CNTN3: variants seen among roughly 807,000 people sequenced by gnomAD.
CNTN3 encodes contactin-3.
CNTN3 carries 60 observed loss-of-function variants against 119.1 expected under a neutral mutation model. That is an observed-to-expected ratio of 0.50 (90% CI 0.41 to 0.62). The LOEUF (loss-of-function observed/expected upper bound fraction) is 0.62, where lower values mean the gene tolerates loss of function less well. Ranked by LOEUF, CNTN3 falls within the 20% of genes least tolerant of loss-of-function variation. The probability of loss-of-function intolerance (pLI) is 0.00; values close to 1 mark genes in which losing one functional copy is unlikely to be tolerated. For synonymous variants in CNTN3, 450 were observed against 438.7 expected, an observed-to-expected ratio of 1.03 and a Z score of -0.32; for missense variants, 1,101 against 1,242.4, an observed-to-expected ratio of 0.89 and a Z score of 1.71.
At chr3:74,384,483 A>G (rs1312159556) in intron 5 of CNTN3, among the ~76,000 whole-genome samples, 1 of 152,248 alleles carries the variant, frequency 6.6e-6, no homozygotes, top group Non-Finnish European at 1.5e-5. Context: ...AGGAATTCTA[A>G]TCTGTTTGAT....
chr3:74,602,779 T>G (rs1276722823), intron 1 of CNTN3, among the ~76,000 whole-genome samples: 1 of 152,150 alleles, frequency 6.6e-6, no homozygotes, highest in African/African-American at 2.4e-5. Context: ...GCCCTGTGAC[T>G]TCTGGCCAAT....
At chr3:74,286,037 T>A (rs1702110365) in intron 19 of CNTN3, among the ~76,000 whole-genome samples, 1 of 151,850 alleles carries the variant, frequency 6.6e-6, no homozygotes, top group African/African-American at 2.4e-5. Context: ...ATAGTCAAAG[T>A]ACTACAACTG....
At chr3:74,393,694 G>A (rs1213645403) in intron 5 of CNTN3, among the ~76,000 whole-genome samples, 1 of 152,204 alleles carries the variant, frequency 6.6e-6, no homozygotes, top group Non-Finnish European at 1.5e-5. Context: ...AGAGGGAAAT[G>A]GGAAAAGTAG....
intron 13 of CNTN3, among the ~76,000 whole-genome samples, chr3:74,329,686 A>T (rs949147761): frequency 1.9e-4 from 29 of 152,308 alleles, no homozygotes; most frequent in Admixed American, 1.0e-3. Flanking sequence ...TGAACTTTGG[A>T]ATATTACCTC....
intron 13 of CNTN3, among the ~76,000 whole-genome samples, chr3:74,312,501 A>G (rs1575716943): frequency 6.7e-6 from 1 of 149,392 alleles, no homozygotes; most frequent in African/African-American, 2.5e-5. Flanking sequence ...CTCAGCAGCT[A>G]CAGCCTAATC....
At chr3:74,449,670 C>T (rs7631341) in intron 4 of CNTN3, among the ~76,000 whole-genome samples, 29,249 of 152,070 alleles carry the variant, frequency 0.19, 3,018 homozygotes, top group Admixed American at 0.26. Context: ...AGAAAACCTT[C>T]TGATGCACCT....
At chr3:74,420,489 G>A (rs1701599691) in intron 5 of CNTN3, among the ~76,000 whole-genome samples, 1 of 152,144 alleles carries the variant, frequency 6.6e-6, no homozygotes, top group Non-Finnish European at 1.5e-5. Flanking sequence ...TGCACTAAAA[G>A]GAGATTTTAA....
At chr3:74,605,064 G>C (rs925680494) in intron 1 of CNTN3, among the ~76,000 whole-genome samples, 1 of 152,110 alleles carries the variant, frequency 6.6e-6, no homozygotes, top group Non-Finnish European at 1.5e-5. Context: ...AATACCACTT[G>C]ATCTCACTTA....
chr3:74,377,789 C>T (rs114458821), intron 5 of CNTN3, among the ~76,000 whole-genome samples: 24 of 152,278 alleles, frequency 1.6e-4, no homozygotes, highest in African/African-American at 5.5e-4. Context: ...TGGCATTCTG[C>T]CTCTAGCTAT....
chr3:74,325,205 G>T (rs759776360), intron 13 of CNTN3, among the ~76,000 whole-genome samples: 1 of 152,034 alleles, frequency 6.6e-6, no homozygotes, highest in African/African-American at 2.4e-5. Context: ...CTCTATGCTA[G>T]ATTTTCTTTT....
chr3:74,578,648 G>C (rs528898816), intron 1 of CNTN3, among the ~76,000 whole-genome samples: 1 of 152,076 alleles, frequency 6.6e-6, no homozygotes, highest in Non-Finnish European at 1.5e-5. Flanking sequence ...ATAACTTTCT[G>C]CATTTCCATG....
At chr3:74,347,738 T>A (rs764844692) in intron 11 of CNTN3, among the ~76,000 whole-genome samples, 1 of 152,210 alleles carries the variant, frequency 6.6e-6, no homozygotes. Flanking sequence ...GTGTTCCAGA[T>A]TGCATTTCCA....
intron 1 of CNTN3, among the ~76,000 whole-genome samples, chr3:74,597,806 T>C (rs1704837456): frequency 6.6e-6 from 1 of 152,018 alleles, no homozygotes; most frequent in South Asian, 2.1e-4. Flanking sequence ...CTAGCAATAC[T>C]AAAAATAAAT....
At chr3:74,360,137 C>T (rs894158069) in intron 11 of CNTN3, among the ~76,000 whole-genome samples, 5 of 152,172 alleles carry the variant, frequency 3.3e-5, no homozygotes, top group African/African-American at 1.2e-4. Context: ...GCTGTTGTAA[C>T]CAACTTGTCT....
At chr3:74,450,262 C>T (rs1051146551) in intron 4 of CNTN3, among the ~76,000 whole-genome samples, 1 of 151,838 alleles carries the variant, frequency 6.6e-6, no homozygotes, top group African/African-American at 2.4e-5. Flanking sequence ...TTTAATCTTG[C>T]AGTTATAAAA....
intron 17 of CNTN3, 110 bp downstream of exon 17, chr3:74,299,758 C>T (rs1212943814): frequency 6.3e-6 from 5 of 788,560 alleles, no homozygotes; most frequent in Non-Finnish European, 1.0e-5. Context: ...ACCAGCCACA[C>T]CCCCAGCACT....
chr3:74,515,594 G>A (rs937575873), intron 2 of CNTN3, among the ~76,000 whole-genome samples: 6 of 152,034 alleles, frequency 3.9e-5, no homozygotes, highest in Non-Finnish European at 8.8e-5. Flanking sequence ...AAAGAGCAGT[G>A]TACAGTCTTC....
intron 4 of CNTN3, among the ~76,000 whole-genome samples, chr3:74,470,650 C>T (rs867453379): frequency 7.9e-5 from 12 of 152,024 alleles, no homozygotes; most frequent in African/African-American, 2.2e-4. Context: ...CACTCTATAA[C>T]GAAACTAGGT....
At chr3:74,314,610 A>G (rs1398478525) in intron 13 of CNTN3, among the ~76,000 whole-genome samples, 1 of 152,202 alleles carries the variant, frequency 6.6e-6, no homozygotes. Flanking sequence ...ACAATTCTTT[A>G]CGTGTATTTA....
Sources: allele counts gnomAD v4.1 joint callset (sites outside exome capture counted in the v4.1 genomes callset), GRCh38; gene constraint gnomAD v4.1.1; transcripts MANE v1.5; gene names NCBI Gene and HGNC (gene_info 2026-07-23, HGNC 2026-07-21).